ME1: variants seen among roughly 807,000 people sequenced by gnomAD.
ME1 encodes NADP-dependent malic enzyme.
ME1 carries 74 observed loss-of-function variants against 66.4 expected under a neutral mutation model. That is an observed-to-expected ratio of 1.11 (90% CI 0.92 to 1.35). The LOEUF (loss-of-function observed/expected upper bound fraction) is 1.35, where lower values mean the gene tolerates loss of function less well. Among genes scored for constraint, ME1 ranks in the 40% most tolerant of loss-of-function variants. The pLI is 0.00. For missense variants in ME1, 750 were observed against 694.1 expected (o/e 1.08, Z -0.90); for synonymous variants, 251 against 235.6 (o/e 1.07, Z -0.60).
At chr6:83,245,082 A>C (rs1018788652) in intron 7 of ME1, among the ~76,000 whole-genome samples, 1 of 152,054 alleles carries the variant, frequency 6.6e-6, no homozygotes, top group African/African-American at 2.4e-5. Flanking sequence ...GAACAGGGAG[A>C]GCAGGTGTGG....
chr6:83,222,186 C>T (rs928235014), intron 12 of ME1, among the ~76,000 whole-genome samples: 1 of 152,102 alleles, frequency 6.6e-6, no homozygotes, highest in East Asian at 1.9e-4. Flanking sequence ...AATGCAAAAG[C>T]TACTTTTACA....
At chr6:83,421,931 C>T (rs1191600970) in intron 1 of ME1, among the ~76,000 whole-genome samples, 1 of 152,116 alleles carries the variant, frequency 6.6e-6, no homozygotes, top group African/African-American at 2.4e-5. Flanking sequence ...GCAACTTTCT[C>T]TCTGTCTTCC....
intron 9 of ME1, among the ~76,000 whole-genome samples, chr6:83,237,302 A>AAAAGAAAG (rs70987737): frequency 0.14 from 9,973 of 71,786 alleles, 2,328 homozygotes; most frequent in Middle Eastern, 0.25. Context: ...GAAAGAAAGA[A>AAAAGAAAG]AAAGAAAGAA....
At chr6:83,272,884 A>G (rs1308189279) in intron 6 of ME1, among the ~76,000 whole-genome samples, 1 of 152,180 alleles carries the variant, frequency 6.6e-6, no homozygotes, top group East Asian at 1.9e-4. Context: ...CTTAGAATAT[A>G]GGCAAAAGGG....
intron 6 of ME1, among the ~76,000 whole-genome samples, chr6:83,296,036 AC>A (rs1177212113): frequency 6.6e-6 from 1 of 152,084 alleles, no homozygotes; most frequent in Non-Finnish European, 1.5e-5. Context: ...ATAGCCTATC[AC>A]CCCCAAAAAA....
chr6:83,314,486 T>C (rs1219178949), intron 6 of ME1, among the ~76,000 whole-genome samples: 2 of 152,204 alleles, frequency 1.3e-5, no homozygotes, highest in Non-Finnish European at 2.9e-5. Flanking sequence ...CAAACAACCA[T>C]ACATTGTCCA....
intron 1 of ME1, among the ~76,000 whole-genome samples, chr6:83,422,149 A>G (rs1770280203): frequency 6.6e-6 from 1 of 152,308 alleles, no homozygotes; most frequent in African/African-American, 2.4e-5. Flanking sequence ...CTAAACGTGC[A>G]TAGATTTGAC....
At chr6:83,320,700 AT>A (rs1159873363) in intron 5 of ME1, among the ~76,000 whole-genome samples, 3 of 152,234 alleles carry the variant, frequency 2.0e-5, no homozygotes, top group Non-Finnish European at 4.4e-5. Context: ...TGAGAAAAAA[AT>A]GCTACGTTTC....
intron 6 of ME1, among the ~76,000 whole-genome samples, chr6:83,279,429 A>G (rs985406985): frequency 6.6e-6 from 1 of 152,226 alleles, no homozygotes; most frequent in Non-Finnish European, 1.5e-5. Flanking sequence ...AAGTGATCTA[A>G]GCAGAGCAAT....
At chr6:83,299,906 T>C (rs1767681327) in intron 6 of ME1, among the ~76,000 whole-genome samples, 1 of 152,202 alleles carries the variant, frequency 6.6e-6, no homozygotes, top group African/African-American at 2.4e-5. Flanking sequence ...ATTTCATTAA[T>C]TGATTTGTGT....
intron 5 of ME1, among the ~76,000 whole-genome samples, chr6:83,343,046 A>C (rs1436903536): frequency 6.6e-5 from 10 of 152,118 alleles, no homozygotes; most frequent in Non-Finnish European, 7.4e-5. Context: ...GCTATTTTGA[A>C]ATATACAATA....
At chr6:83,368,144 T>C (rs1341915987) in intron 3 of ME1, among the ~76,000 whole-genome samples, 3 of 152,060 alleles carry the variant, frequency 2.0e-5, no homozygotes, top group East Asian at 1.9e-4. Flanking sequence ...TGCAGTCTTA[T>C]ATGGGAGCGG....
intron 3 of ME1, among the ~76,000 whole-genome samples, chr6:83,388,729 T>C (rs1480490827): frequency 3.3e-5 from 5 of 152,198 alleles, no homozygotes; most frequent in Non-Finnish European, 5.9e-5. Context: ...TACTATCTAA[T>C]CAAACTTTGG....
chr6:83,386,561 G>C (rs1414662064), intron 3 of ME1, among the ~76,000 whole-genome samples: 2 of 151,846 alleles, frequency 1.3e-5, no homozygotes, highest in South Asian at 2.1e-4. Flanking sequence ...ACACATCTCA[G>C]AGTGAGAGGA....
chr6:83,233,010 G>C (rs1426804298), intron 9 of ME1, among the ~76,000 whole-genome samples: 1 of 152,106 alleles, frequency 6.6e-6, no homozygotes, highest in Non-Finnish European at 1.5e-5. Flanking sequence ...CGTAAGGTCT[G>C]TTAATATCCT....
chr6:83,388,946 G>C (rs1769567071), intron 3 of ME1, among the ~76,000 whole-genome samples: 1 of 151,908 alleles, frequency 6.6e-6, no homozygotes, highest in African/African-American at 2.4e-5. Flanking sequence ...TGAAACCCCA[G>C]CTCTACTAAA....
intron 5 of ME1, among the ~76,000 whole-genome samples, chr6:83,318,175 A>G (rs1239075869): frequency 5.4e-4 from 77 of 143,050 alleles, no homozygotes; most frequent in African/African-American, 1.6e-3. Flanking sequence ...AGACTTAAAC[A>G]TTAGACCTAA....
rs202100338 is a variant in ME1, at chr6:83,237,272, A to C, written c.1026+445T>G. ...GAAAGAAAGAAAGAAAGAAAGAAAG[A>C]AAGAAAGGAAGGAAGGAAGGAAAGA... is the stretch of plus-strand genomic sequence containing the variant. On this transcript the variant is annotated intron_variant, in intron 9 of 13. Transcript: ENST00000369705. 6.0e-4 allele frequency among the ~76,000 whole-genome samples: 54 copies of C among 90,224 alleles called. 3 individuals are homozygous for C. In the East Asian group the frequency reaches 8.6e-3, roughly 14 times the overall value. The allele number at this position is 90,224 out of a possible 152,430, so 59.2% of individuals were successfully genotyped here. A position where few individuals can be genotyped will look rare whatever the true frequency, so the allele number is the denominator to read the frequency against.
intron 3 of ME1, among the ~76,000 whole-genome samples, chr6:83,358,262 T>C (rs539361480): frequency 6.6e-4 from 100 of 152,136 alleles, no homozygotes; most frequent in African/African-American, 2.2e-3. Flanking sequence ...ACACTCCCGA[T>C]TCATCACTCA....
Sources: gnomAD v4.1 joint callset for allele counts (sites outside exome capture counted in the v4.1 genomes callset) on GRCh38, gnomAD v4.1.1 for gene constraint, MANE v1.5 for transcripts, NCBI Gene and HGNC (gene_info 2026-07-23, HGNC 2026-07-21) for gene names.